The following ZNF846 variants were observed in gnomAD, a reference collection of about 807,000 sequenced individuals.
The protein encoded by ZNF846 is zinc finger protein 420 pseudogene.
ZNF846 carries 15 observed loss-of-function variants against 16.0 expected under a neutral mutation model. The ratio of observed to expected loss-of-function variants is 0.94; its 90% CI spans 0.63 to 1.45. The LOEUF (loss-of-function observed/expected upper bound fraction) is 1.45. Ranked by LOEUF, ZNF846 falls within the 40% of genes most tolerant of loss-of-function variation. ZNF846 has a pLI of 0.00. For missense variants in ZNF846, 714 were observed against 622.3 expected, an observed-to-expected ratio of 1.15 and a Z score of -1.57; for synonymous variants, 229 against 212.0, an observed-to-expected ratio of 1.08 and a Z score of -0.70.
chr19:9,755,835 T>TAAAAAAAA (rs2045128459), downstream of ZNF846, among the ~76,000 whole-genome samples: 2 of 79,466 alleles, frequency 2.5e-5, no homozygotes, highest in African/African-American at 9.1e-5. Flanking sequence ...AAAAAAAAAG[T>TAAAAAAAA]ATTACCAGAT....
At chr19:9,756,430 T>C (rs952077623), downstream of ZNF846, 1 of 145,230 alleles carries the variant, frequency 6.9e-6, no homozygotes, top group Non-Finnish European at 1.5e-5. Context: ...TCTGGCCTCT[T>C]TGAGATTACC....
downstream of ZNF846, chr19:9,756,300 CGT>C (rs1292761646): frequency 3.9e-5 from 5 of 127,264 alleles, no homozygotes; most frequent in African/African-American, 9.5e-5. Context: ...ATAATACATA[CGT>C]GTGTGTATGT....
upstream of ZNF846, among the ~76,000 whole-genome samples, chr19:9,771,457 C>A (rs1324390878): frequency 6.6e-6 from 1 of 152,080 alleles, no homozygotes; most frequent in African/African-American, 2.4e-5. Context: ...GGATAACAGG[C>A]GTGAGCCACT....
At chr19:9,748,887 G>A (rs1278729810), downstream of ZNF846, among the ~76,000 whole-genome samples, 1 of 152,110 alleles carries the variant, frequency 6.6e-6, no homozygotes, top group Non-Finnish European at 1.5e-5. Flanking sequence ...GGCTAGACAG[G>A]AAATTCACCA....
At chr19:9,757,435 A>T, downstream of ZNF846, 1 of 1,477,142 alleles carries the variant, frequency 6.8e-7, no homozygotes, top group Non-Finnish European at 9.1e-7. Context: ...ATTTTTTTCC[A>T]GATGAGTTTA....
intron 1 of ZNF846, among the ~76,000 whole-genome samples, chr19:9,784,687 G>C (rs888525992): frequency 2.6e-5 from 4 of 152,116 alleles, no homozygotes; most frequent in African/African-American, 4.8e-5. Context: ...CTGTCTCAGT[G>C]GGGGGAAACC....
At chr19:9,755,836 A>ATTT (rs2045128515), downstream of ZNF846, among the ~76,000 whole-genome samples, 1 of 106,116 alleles carries the variant, frequency 9.4e-6, no homozygotes, top group Non-Finnish European at 1.9e-5. Flanking sequence ...AAAAAAAAGT[A>ATTT]TTACCAGATT....
At chr19:9,750,632 C>T (rs951656589), downstream of ZNF846, among the ~76,000 whole-genome samples, 2 of 152,174 alleles carry the variant, frequency 1.3e-5, no homozygotes, top group African/African-American at 4.8e-5. Context: ...ACTGCCTGTC[C>T]CCCTCATGAC....
downstream of ZNF846, among the ~76,000 whole-genome samples, chr19:9,749,387 G>A (rs1309591675): frequency 6.6e-6 from 1 of 151,898 alleles, no homozygotes; most frequent in Admixed American, 6.6e-5. Flanking sequence ...CCCTGCCCTT[G>A]TTTACGCTGC....
At chr19:9,763,402 C>G (rs763024506) in exon 3 of ZNF846, 1 of 1,605,874 alleles carries the variant, frequency 6.2e-7, no homozygotes, top group Non-Finnish European at 8.5e-7. Flanking sequence ...TCAAAGGTCA[C>G]TAAGTGCTAA....
intron 1 of ZNF846, among the ~76,000 whole-genome samples, chr19:9,783,526 TAAAAAAAAA>T (rs1161223088): frequency 2.8e-5 from 3 of 106,210 alleles, no homozygotes; most frequent in Non-Finnish European, 3.8e-5. Flanking sequence ...GTCTCATCAC[TAAAAAAAAA>T]AAAAAAAAAA....
At chr19:9,762,218 A>C in intron 3 of ZNF846, 50 bp from the exon 4 acceptor site, 2 of 1,371,046 alleles carry the variant, frequency 1.5e-6, no homozygotes, top group Non-Finnish European at 2.1e-6. Context: ...ACATAACACC[A>C]TGTCCTTCAA....
intron 1 of ZNF846, among the ~76,000 whole-genome samples, chr19:9,784,117 C>G (rs1171187036): frequency 6.6e-6 from 1 of 150,486 alleles, no homozygotes; most frequent in African/African-American, 2.5e-5. Context: ...AAGGTGGAGA[C>G]AAGAGACTGA....
exon 3 of ZNF846, chr19:9,763,386 A>C (rs1359759329): frequency 6.2e-7 from 1 of 1,610,522 alleles, no homozygotes. Context: ...GTCCACAGCC[A>C]CATCCTCAAA....
At chr19:9,755,644 C>CA (rs1253151330), downstream of ZNF846, 3 of 147,490 alleles carry the variant, frequency 2.0e-5, no homozygotes, top group East Asian at 6.1e-4. Context: ...ACTAAAAATA[C>CA]AAAAAATTAG....
Position 9,752,329 on chromosome 19 carries a change from C to T in ZNF846, c.*110G>A, listed in dbSNP as rs573428027. 3.7e-4 allele frequency: 72 copies of T among 192,858 alleles called. 1 individual carries two copies. The highest frequency in any genetic ancestry group is 2.2e-3 in the Middle Eastern group (1 of 456). 11.9% of individuals were successfully genotyped at this position (192,858 alleles called of 1,614,324 possible). On this transcript the variant is annotated 3_prime_UTR_variant, in exon 6 of 6. Coordinates refer to the ZNF846 transcript ENST00000588267. ...CCTTTTAGAAACAGTATTTCAAGGG[C>T]GGGTGTGGTGGCTCACGTCCATAAT...
rs1348896538 is a variant in ZNF846, at chr19:9,758,713, CT to C, written c.363del (p.Val122SerfsTer9). On this transcript the variant is annotated frameshift_variant, in exon 6 of 6. Coordinates refer to ENST00000397902, the Ensembl canonical transcript of ZNF846. LOFTEE classifies it low-confidence loss of function (END_TRUNC). ...ATAAGAAATGGGTGTTCATTGAAGA[CT>C]TTTCCAGAATGGTTAGAGTCATACA... is the stretch of plus-strand genomic sequence containing the variant. 1.2e-6 allele frequency: 2 copies of C among 1,606,560 alleles called. No individual in the cohort carries two copies. Among genetic ancestry groups the C allele is most frequent in the South Asian group, 2.2e-5 (2 of 90,078 alleles).
chr19:9,748,865 A>G (rs1286870866), downstream of ZNF846, among the ~76,000 whole-genome samples: 1 of 152,092 alleles, frequency 6.6e-6, no homozygotes, highest in Non-Finnish European at 1.5e-5. Context: ...ACTATCTTCC[A>G]GTCCTCCAGC....
At chr19:9,757,414 A>T, downstream of ZNF846, 1 of 1,354,074 alleles carries the variant, frequency 7.4e-7, no homozygotes, top group Non-Finnish European at 1.0e-6. Flanking sequence ...CATATTCTTT[A>T]CCTTCCTATG....
Sources: allele counts gnomAD v4.1 joint callset (sites outside exome capture counted in the v4.1 genomes callset), GRCh38; gene constraint gnomAD v4.1.1; transcripts MANE v1.5; gene names NCBI Gene and HGNC (gene_info 2026-07-23, HGNC 2026-07-21).